The following CEP112 variants were observed in gnomAD, a reference collection of about 807,000 sequenced individuals.
CEP112 encodes the protein centrosomal protein of 112 kDa.
CEP112 carries 127 observed loss-of-function variants against 153.0 expected under a neutral mutation model. The ratio of observed to expected loss-of-function variants is 0.83; its 90% CI spans 0.72 to 0.96. CEP112 has a LOEUF of 0.96. Ranked by LOEUF, CEP112 falls within the 40% of genes least tolerant of loss-of-function variation. The probability of loss-of-function intolerance (pLI) is 0.00; values close to 1 mark genes in which losing one functional copy is unlikely to be tolerated. For missense variants in CEP112, 1,089 were observed against 1,101.2 expected (o/e 0.99, Z 0.16); for synonymous variants, 358 against 374.4 (o/e 0.96, Z 0.51).
At chr17:65,854,360 A>T (rs1342350688) in intron 20 of CEP112, among the ~76,000 whole-genome samples, 1 of 152,200 alleles carries the variant, frequency 6.6e-6, no homozygotes, top group African/African-American at 2.4e-5. Context: ...TTTCTACATG[A>T]TAAATAATAA....
chr17:65,940,901 A>C (rs2061485884), intron 18 of CEP112, among the ~76,000 whole-genome samples: 1 of 152,200 alleles, frequency 6.6e-6, no homozygotes, highest in Non-Finnish European at 1.5e-5. Context: ...ACAAAAAACC[A>C]GTAAATGAGG....
At position 66,096,626 on chromosome 17, in the gene CEP112, T is replaced by C. The variant is rs894835066; in HGVS notation, c.649A>G (p.Asn217Asp). The C allele has an allele frequency of 1.1e-5, 18 of 1,582,638 alleles. No homozygotes were observed. Among genetic ancestry groups the C allele is most frequent in the Admixed American group, 3.4e-5 (2 of 59,288 alleles). ...RLNSWNLGIE[N>D]PRYLRQKPIP... The stretch of plus-strand genomic sequence containing the variant: ...GGCTTCTGTCTCAGGTATCGAGGAT[T>C]TTCTATCTGAAAATTTAAAAATAAA... The change falls in exon 7 of 27, where the codon AAT becomes GAT. Residue 217 changes from asparagine to aspartate, a missense_variant. By Grantham distance (23) the Asn-to-Asp change is conservative. Coordinates refer to ENST00000535342, the MANE Select transcript of CEP112 (RefSeq NM_001199165.4).
chr17:66,026,743 C>T (rs1319257473), intron 16 of CEP112, among the ~76,000 whole-genome samples: 1 of 152,168 alleles, frequency 6.6e-6, no homozygotes, highest in African/African-American at 2.4e-5. Context: ...TACTTTAAGT[C>T]ATCTCATAAT....
At chr17:65,720,019 C>T (rs1046860462) in intron 23 of CEP112, among the ~76,000 whole-genome samples, 1 of 152,080 alleles carries the variant, frequency 6.6e-6, no homozygotes, top group Admixed American at 6.5e-5. Flanking sequence ...CTTGTGAATG[C>T]ACAGAAGAGG....
At chr17:65,844,645 C>A (rs1206741207) in intron 21 of CEP112, among the ~76,000 whole-genome samples, 2 of 42,476 alleles carry the variant, frequency 4.7e-5, no homozygotes, top group African/African-American at 1.6e-4. Flanking sequence ...AGATCAGGCT[C>A]CATCCTGGGC....
chr17:65,970,123 T>A (rs1455811540), intron 17 of CEP112, among the ~76,000 whole-genome samples: 2 of 152,224 alleles, frequency 1.3e-5, no homozygotes, highest in Non-Finnish European at 2.9e-5. Flanking sequence ...GCATATCGCA[T>A]GTATATTGCA....
chr17:65,859,365 A>T (rs1598801245), intron 20 of CEP112, among the ~76,000 whole-genome samples: 1 of 150,410 alleles, frequency 6.6e-6, no homozygotes, highest in African/African-American at 2.4e-5. Context: ...GTTTGAACCC[A>T]GGAGGCGGAG....
At chr17:65,797,112 T>C (rs2054980846) in intron 21 of CEP112, 1 of 152,266 alleles carries the variant, frequency 6.6e-6, no homozygotes, top group Admixed American at 6.6e-5. Flanking sequence ...ATAGCCATCA[T>C]GGTATGTACC....
At chr17:65,670,203 AG>A (rs1330538362) in intron 24 of CEP112, among the ~76,000 whole-genome samples, 1 of 151,186 alleles carries the variant, frequency 6.6e-6, no homozygotes, top group East Asian at 1.9e-4. Flanking sequence ...GATGCTTAAA[AG>A]AGGGTCTGAA....
intron 8 of CEP112, among the ~76,000 whole-genome samples, chr17:66,095,473 C>T (rs1480876433): frequency 6.6e-6 from 1 of 151,996 alleles, no homozygotes. Context: ...AAAAGGTGAA[C>T]TCACAAAAGT....
chr17:65,980,118 T>C (rs2063176316), intron 17 of CEP112, among the ~76,000 whole-genome samples: 1 of 152,184 alleles, frequency 6.6e-6, no homozygotes, highest in Non-Finnish European at 1.5e-5. Flanking sequence ...CCTAGTTTAC[T>C]CCACATAAAA....
chr17:66,074,421 T>C (rs1055462120), intron 8 of CEP112, among the ~76,000 whole-genome samples: 3 of 152,164 alleles, frequency 2.0e-5, no homozygotes, highest in Non-Finnish European at 4.4e-5. Flanking sequence ...GGAAAGATTA[T>C]TTAAAGAAAT....
chr17:65,684,845 T>G (rs1307917714), intron 24 of CEP112, among the ~76,000 whole-genome samples: 1 of 152,192 alleles, frequency 6.6e-6, no homozygotes, highest in Non-Finnish European at 1.5e-5. Flanking sequence ...ACTCAGTTTC[T>G]TTGCACAATG....
chr17:65,763,279 G>T (rs868650263), intron 21 of CEP112, among the ~76,000 whole-genome samples: 1 of 151,888 alleles, frequency 6.6e-6, no homozygotes, highest in Admixed American at 6.6e-5. Context: ...GGTATGCCTA[G>T]GTGTGTAGCA....
chr17:65,988,198 A>T (rs192874787), intron 17 of CEP112, among the ~76,000 whole-genome samples: 1 of 152,214 alleles, frequency 6.6e-6, no homozygotes, highest in Non-Finnish European at 1.5e-5. Context: ...CCTGGGCTTA[A>T]GGTGCCATCT....
chr17:66,056,105 C>T (rs1175102665), intron 11 of CEP112, among the ~76,000 whole-genome samples: 1 of 152,116 alleles, frequency 6.6e-6, no homozygotes, highest in African/African-American at 2.4e-5. Context: ...TAGGACATAA[C>T]AATGAGTTGA....
chr17:65,945,761 C>G (rs2061631337), intron 18 of CEP112, among the ~76,000 whole-genome samples: 1 of 152,130 alleles, frequency 6.6e-6, no homozygotes, highest in Non-Finnish European at 1.5e-5. Context: ...ATTCTCCTCC[C>G]TCAGCCTCCC....
At chr17:65,792,769 A>G (rs1488962654) in intron 21 of CEP112, among the ~76,000 whole-genome samples, 1 of 152,130 alleles carries the variant, frequency 6.6e-6, no homozygotes, top group African/African-American at 2.4e-5. Flanking sequence ...AAGGAATAGA[A>G]GCTATATACC....
intron 25 of CEP112, among the ~76,000 whole-genome samples, chr17:65,637,656 C>T (rs2044849609): frequency 6.6e-6 from 1 of 152,234 alleles, no homozygotes; most frequent in East Asian, 1.9e-4. Context: ...CAGGCAAAGC[C>T]AGCGGTCCCC....
Sources: allele counts gnomAD v4.1 joint callset (sites outside exome capture counted in the v4.1 genomes callset), GRCh38; gene constraint gnomAD v4.1.1; transcripts MANE v1.5; gene names NCBI Gene and HGNC (gene_info 2026-07-23, HGNC 2026-07-21).